Variants in DBT observed in about 807,000 individuals in gnomAD.
DBT encodes the protein dihydrolipoamide branched chain transacylase E2.
In DBT, 40 loss-of-function variants were observed where a neutral mutation model predicts 51.3. The ratio of observed to expected loss-of-function variants is 0.78; its 90% confidence interval spans 0.61 to 1.02. The LOEUF (loss-of-function observed/expected upper bound fraction) is 1.02. Among genes scored for constraint, DBT ranks in the 50% least tolerant of loss-of-function variants. DBT has a pLI of 0.00. For missense variants in DBT, 510 were observed against 580.2 expected, an observed-to-expected ratio of 0.88 and a Z score of 1.24; for synonymous variants, 181 against 190.4, an observed-to-expected ratio of 0.95 and a Z score of 0.41.
chr1:100,232,629 G>T (rs1570838178), intron 3 of DBT, among the ~76,000 whole-genome samples: 1 of 152,088 alleles, frequency 6.6e-6, no homozygotes, highest in Non-Finnish European at 1.5e-5. Flanking sequence ...TTGAGACAGG[G>T]TCTTGCTCTG....
At chr1:100,218,604 C>T (rs769765656) in intron 5 of DBT, 22 bp downstream of exon 5, 1 of 1,613,210 alleles carries the variant, frequency 6.2e-7, no homozygotes, top group African/African-American at 1.3e-5. Context: ...CAATCTCAGA[C>T]TTAAATATTA....
chr1:100,237,302 T>C (rs1192565200), intron 2 of DBT, among the ~76,000 whole-genome samples: 2 of 152,126 alleles, frequency 1.3e-5, no homozygotes, highest in Non-Finnish European at 2.9e-5. Context: ...TCTTGGACTT[T>C]CCAGCCCATA....
chr1:100,204,310 C>T (rs1038961389), intron 10 of DBT, among the ~76,000 whole-genome samples: 4 of 152,088 alleles, frequency 2.6e-5, no homozygotes, highest in Non-Finnish European at 5.9e-5. Context: ...ACACCAATAA[C>T]AGACAAACAG....
intron 3 of DBT, among the ~76,000 whole-genome samples, chr1:100,232,718 C>A (rs993639996): frequency 2.6e-5 from 4 of 152,168 alleles, no homozygotes; most frequent in Non-Finnish European, 4.4e-5. Flanking sequence ...ATCCTCTCAC[C>A]TCAGCCTCCC....
In DBT at chr1:100,249,791, C is replaced by T; in HGVS notation, c.30G>A (p.Trp10Ter). Residue 10 changes from tryptophan to a stop codon, truncating the protein, a stop_gained, in exon 1 of 11, where the codon TGG becomes TGA. Transcript: ENST00000370132. LOFTEE classifies it high-confidence loss of function. The stretch of plus-strand genomic sequence containing the variant: ...TTACCAGCTTCCCCGCATTCCTGCT[C>T]CAGGTTCTCAGCATACGGACTGCAG... MAAVRMLRT[W>*]SRNAGKLICV... 1 of 1,614,216 alleles carries T rather than the reference C, an allele frequency of 6.2e-7. No homozygotes were observed. The highest frequency in any genetic ancestry group is 2.2e-5 in the East Asian group (1 of 44,884).
At chr1:100,243,006 C>G (rs1349765262) in intron 1 of DBT, among the ~76,000 whole-genome samples, 1 of 152,028 alleles carries the variant, frequency 6.6e-6, no homozygotes, top group Non-Finnish European at 1.5e-5. Context: ...TGGCTCTGGC[C>G]TGTAATCCCA....
intron 1 of DBT, among the ~76,000 whole-genome samples, chr1:100,245,115 G>C (rs1664465791): frequency 6.6e-6 from 1 of 151,916 alleles, no homozygotes; most frequent in African/African-American, 2.4e-5. Context: ...TTTTTTTCTA[G>C]AAACAGACTA....
At chr1:100,220,954 C>G (rs1031724919) in intron 4 of DBT, among the ~76,000 whole-genome samples, 1 of 152,152 alleles carries the variant, frequency 6.6e-6, no homozygotes, top group Non-Finnish European at 1.5e-5. Context: ...CATGTGGAAC[C>G]AAGATCCAAA....
intron 10 of DBT, among the ~76,000 whole-genome samples, chr1:100,199,994 C>A (rs1209766467): frequency 6.6e-6 from 1 of 152,044 alleles, no homozygotes; most frequent in Admixed American, 6.5e-5. Flanking sequence ...ACCAAGCTAG[C>A]TGCAGTTTTG....
rs1660919685 is a variant in DBT, at chr1:100,193,650, G to GC, written c.*2604dup. ...AGACAGAGTCTCGCTCTATCACCAG[G>GC]CTGGAGTGCAGTGGCTCAATCTTGG... On this transcript the variant is annotated 3_prime_UTR_variant, in exon 11 of 11. Coordinates refer to ENST00000370132, the MANE Select transcript of DBT (RefSeq NM_001918.5). The GC allele has an allele frequency of 1.3e-5, 2 of 152,278 alleles. No homozygotes were observed. The highest frequency in any genetic ancestry group is 1.3e-4 in the Admixed American group (2 of 15,288). 9.4% of individuals were successfully genotyped at this position (152,278 alleles called of 1,614,324 possible).
At chr1:100,248,832 C>T (rs917381365) in intron 1 of DBT, among the ~76,000 whole-genome samples, 1 of 152,110 alleles carries the variant, frequency 6.6e-6, no homozygotes, top group Non-Finnish European at 1.5e-5. Flanking sequence ...CTCTGACCCC[C>T]AAGTCCACCA....
intron 8 of DBT, 128 bp downstream of exon 8, chr1:100,210,566 T>G: frequency 7.9e-7 from 1 of 1,266,762 alleles, no homozygotes; most frequent in Non-Finnish European, 1.1e-6. Flanking sequence ...TTTAATGTTT[T>G]ACCCCATACC....
intron 4 of DBT, among the ~76,000 whole-genome samples, chr1:100,221,162 ATAG>A (rs907593976): frequency 1.3e-5 from 2 of 152,212 alleles, no homozygotes; most frequent in African/African-American, 2.4e-5. Context: ...TATTACCTAC[ATAG>A]TACTACCCTT....
At position 100,216,071 on chromosome 1, in the gene DBT, A is replaced by G; in HGVS notation, c.684T>C (p.Pro228=). The part of the protein sequence containing the change: ...PPSPKVEIMP[P]PPKPKDMTVP... ...CAGTCATGTCTTTTGGCTTTGGTGG[A>G]GGTGGCATAATTTCAACTTTGGGTG... The change falls in exon 6 of 11, where the codon CCT becomes CCC. Residue 228 remains proline, a synonymous_variant. Coordinates refer to ENST00000370132, the MANE Select transcript of DBT (RefSeq NM_001918.5). The G allele has an allele frequency of 6.2e-7, 1 of 1,613,598 alleles. No homozygotes were observed. The highest frequency in any genetic ancestry group is 8.5e-7 in the Non-Finnish European group (1 of 1,179,566).
chr1:100,199,850 A>G (rs1661339571), intron 10 of DBT, among the ~76,000 whole-genome samples: 1 of 152,150 alleles, frequency 6.6e-6, no homozygotes, highest in African/African-American at 2.4e-5. Flanking sequence ...GCTGTGAGGG[A>G]TGGTGCTATC....
intron 3 of DBT, among the ~76,000 whole-genome samples, chr1:100,233,604 T>TATGTTCA (rs1663676470): frequency 6.6e-6 from 1 of 152,252 alleles, no homozygotes; most frequent in Non-Finnish European, 1.5e-5. Flanking sequence ...AAATTTAATT[T>TATGTTCA]ACTCAGCAAG....
intron 4 of DBT, among the ~76,000 whole-genome samples, 171 bp from the exon 5 acceptor site, chr1:100,218,918 T>C (rs377053047): frequency 3.0e-5 from 3 of 100,880 alleles, no homozygotes; most frequent in South Asian, 4.2e-4. Context: ...ACTATCCTAA[T>C]GGTATGGGTA....
At position 100,206,258 on chromosome 1, in the gene DBT, A is replaced by T; in HGVS notation, c.1253T>A (p.Val418Glu). 2 of 1,613,174 alleles carry T rather than the reference A, an allele frequency of 1.2e-6. No homozygotes were observed. Among genetic ancestry groups the T allele is most frequent in the Non-Finnish European group, 1.7e-6 (2 of 1,179,492 alleles). Residue 418 changes from valine to glutamate, a missense_variant, in exon 10 of 11, where the codon GTA (valine) becomes GAA (glutamate). Transcript: ENST00000370132. ...FAKPVIMPPEVAIGALGSIKA... is the reference protein window; with the variant it reads ...FAKPVIMPPEEAIGALGSIKA... The stretch of plus-strand genomic sequence containing the variant: ...AATTGATCCAAGGGCCCCAATGGCT[A>T]CTTCAGGTGGCATTATCACTGGTTT...
At chr1:100,203,319 C>T (rs1406347179) in intron 10 of DBT, among the ~76,000 whole-genome samples, 1 of 152,210 alleles carries the variant, frequency 6.6e-6, no homozygotes, top group East Asian at 1.9e-4. Flanking sequence ...ATCCTATAAA[C>T]ACCTCTTCAC....
Sources: allele counts gnomAD v4.1 joint callset (sites outside exome capture counted in the v4.1 genomes callset), GRCh38; gene constraint gnomAD v4.1.1; transcripts MANE v1.5; gene names NCBI Gene and HGNC (gene_info 2026-07-23, HGNC 2026-07-21).